Variants in PTPRN2 observed in about 807,000 individuals in gnomAD.
PTPRN2 encodes the protein receptor-type tyrosine-protein phosphatase N2.
PTPRN2 carries 74 observed loss-of-function variants against 118.8 expected under a neutral mutation model. The ratio of observed to expected loss-of-function variants is 0.62; its 90% CI spans 0.52 to 0.76. The LOEUF is 0.76. PTPRN2 is among the 30% of genes least tolerant of loss of function. The pLI, the probability that PTPRN2 is intolerant of heterozygous loss-of-function variation, is 0.00. For synonymous variants in PTPRN2, 641 were observed against 608.0 expected (o/e 1.05, Z -0.80); for missense variants, 1,481 against 1,394.4 (o/e 1.06, Z -0.99).
At chr7:157,842,676 G>A (rs1808520850) in intron 12 of PTPRN2, among the ~76,000 whole-genome samples, 1 of 152,096 alleles carries the variant, frequency 6.6e-6, no homozygotes, top group Admixed American at 6.5e-5. Context: ...GCCTCCCAAA[G>A]TGCTGGGATT....
At chr7:158,461,556 AT>A (rs991354831) in intron 2 of PTPRN2, among the ~76,000 whole-genome samples, 1 of 152,218 alleles carries the variant, frequency 6.6e-6, no homozygotes, top group African/African-American at 2.4e-5. Context: ...GTGAAAAAAA[AT>A]ATCATTCTAG....
rs75018253 is a variant in PTPRN2 at position 158,520,139 on chromosome 7, G to T, written c.113-30354C>A. 8.2e-3 allele frequency among the ~76,000 whole-genome samples: 1,253 copies of T among 152,292 alleles called. 19 individuals carry two copies. Among genetic ancestry groups the T allele is most frequent in the African/African-American group, 0.029 (1,194 of 41,544 alleles). On this transcript the variant is annotated intron_variant, in intron 1 of 22. Coordinates refer to ENST00000389418, the MANE Select transcript of PTPRN2 (RefSeq NM_002847.5). ...TGCCAAGAAAGGAAAGCATTTTCTG[G>T]CCACAGAGTGGGCCCTTCAGCTCCC...
intron 11 of PTPRN2, among the ~76,000 whole-genome samples, chr7:157,979,813 C>T (rs1289236193): frequency 6.6e-6 from 1 of 152,206 alleles, no homozygotes; most frequent in African/African-American, 2.4e-5. Flanking sequence ...GATGCACAGG[C>T]ATAAGAGGTC....
At chr7:158,143,940 C>A (rs1227856876) in intron 6 of PTPRN2, among the ~76,000 whole-genome samples, 3 of 152,138 alleles carry the variant, frequency 2.0e-5, no homozygotes, top group Non-Finnish European at 1.5e-5. Context: ...ACCGTCCCCC[C>A]CGCAGCCGGA....
At chr7:158,368,492 C>T (rs541782549) in intron 2 of PTPRN2, among the ~76,000 whole-genome samples, 6 of 152,294 alleles carry the variant, frequency 3.9e-5, no homozygotes, top group East Asian at 1.9e-4. Context: ...TGATGGAAGC[C>T]GACAGCCACA....
chr7:158,533,262 G>A (rs1350317234), intron 1 of PTPRN2, among the ~76,000 whole-genome samples: 8 of 151,960 alleles, frequency 5.3e-5, no homozygotes, highest in African/African-American at 9.6e-5. Flanking sequence ...ACAGGGCAGC[G>A]CCCAAGATCT....
At chr7:157,842,118 C>T (rs76283278) in intron 12 of PTPRN2, among the ~76,000 whole-genome samples, 1 of 152,290 alleles carries the variant, frequency 6.6e-6, no homozygotes, top group African/African-American at 2.4e-5. Flanking sequence ...TTTTAAATAA[C>T]AGGAAGGTCC....
Position 157,619,243 on chromosome 7 carries a change from G to C in PTPRN2, c.2344+2119C>G, listed in dbSNP as rs1363487749. On this transcript the variant is annotated intron_variant, in intron 15 of 22. Transcript: ENST00000389418. The surrounding 1 kb of genome is among the most constrained non-coding windows in gnomAD (Gnocchi z 5.3). ...GGGCTGTCTTTGGGGAGGGCGTGCT[G>C]TCAGATGAATATTTACCATGAAACA... 6.6e-6 allele frequency among the ~76,000 whole-genome samples: 1 copy of C among 152,162 alleles called. No individual in the cohort carries two copies. Among genetic ancestry groups the C allele is most frequent in the Non-Finnish European group, 1.5e-5 (1 of 68,030 alleles).
intron 14 of PTPRN2, among the ~76,000 whole-genome samples, chr7:157,638,690 C>T (rs1245151855): frequency 3.3e-5 from 5 of 152,232 alleles, no homozygotes; most frequent in Admixed American, 2.6e-4. Context: ...ATGACATGCC[C>T]GCTGGCATTC....
intron 2 of PTPRN2, among the ~76,000 whole-genome samples, chr7:158,465,298 C>G (rs1269896465): frequency 6.6e-6 from 1 of 152,238 alleles, no homozygotes; most frequent in Non-Finnish European, 1.5e-5. Flanking sequence ...CTGGATGTCT[C>G]TTCTTTCCCA....
chr7:158,350,917 A>G (rs1383016672), intron 2 of PTPRN2, among the ~76,000 whole-genome samples: 1 of 152,236 alleles, frequency 6.6e-6, no homozygotes, highest in Admixed American at 6.5e-5. Context: ...GCTGTTTACC[A>G]AAGCTCATTC....
At chr7:158,103,482 G>C (rs1039342759) in intron 10 of PTPRN2, among the ~76,000 whole-genome samples, 5 of 152,228 alleles carry the variant, frequency 3.3e-5, no homozygotes, top group Admixed American at 6.5e-5. Context: ...TGTGCCCATG[G>C]AGCAGCGATG....
intron 1 of PTPRN2, among the ~76,000 whole-genome samples, chr7:158,493,875 A>G (rs1821631694): frequency 6.6e-6 from 1 of 152,184 alleles, no homozygotes; most frequent in Non-Finnish European, 1.5e-5. Flanking sequence ...ACACCTGCAG[A>G]CACGTACACA....
intron 12 of PTPRN2, among the ~76,000 whole-genome samples, chr7:157,799,572 C>T (rs1805098737): frequency 6.6e-6 from 1 of 152,104 alleles, no homozygotes; most frequent in Admixed American, 6.5e-5. Context: ...GCACACTGCC[C>T]CTCCGACTGG....
At chr7:158,547,064 C>T (rs1401975591) in intron 1 of PTPRN2, among the ~76,000 whole-genome samples, 1 of 152,216 alleles carries the variant, frequency 6.6e-6, no homozygotes, top group African/African-American at 2.4e-5. Flanking sequence ...ACTCACCCCA[C>T]ACCACCGATG....
At chr7:157,820,452 C>A in intron 12 of PTPRN2, among the ~76,000 whole-genome samples, 1 of 151,914 alleles carries the variant, frequency 6.6e-6, no homozygotes, top group Middle Eastern at 3.2e-3. Context: ...CAGATCCCCA[C>A]ACACATGCAC....
At chr7:158,545,619 T>C (rs1378771219) in intron 1 of PTPRN2, among the ~76,000 whole-genome samples, 3 of 152,172 alleles carry the variant, frequency 2.0e-5, no homozygotes, top group Non-Finnish European at 4.4e-5. Flanking sequence ...CTTGTCTTGG[T>C]GAAATCACAG....
intron 6 of PTPRN2, among the ~76,000 whole-genome samples, chr7:158,156,147 G>A (rs1299575003): frequency 6.6e-6 from 1 of 152,200 alleles, no homozygotes; most frequent in African/African-American, 2.4e-5. Context: ...AGCCTGGGAT[G>A]AAGCTTCTCC....
At chr7:158,232,299 A>C (rs983216146) in intron 3 of PTPRN2, among the ~76,000 whole-genome samples, 24 of 152,152 alleles carry the variant, frequency 1.6e-4, no homozygotes, top group African/African-American at 5.5e-4. Context: ...AGGAATAAAA[A>C]GGATCATTAG....
Sources: allele counts gnomAD v4.1 joint callset (sites outside exome capture counted in the v4.1 genomes callset), GRCh38; gene constraint gnomAD v4.1.1; non-coding constraint Gnocchi (gnomAD v3.1); transcripts MANE v1.5; gene names NCBI Gene and HGNC (gene_info 2026-07-23, HGNC 2026-07-21).